Variants in ITIH5 observed in about 807,000 individuals in gnomAD.
ITIH5 encodes the protein inter-alpha-trypsin inhibitor heavy chain H5.
A neutral mutation model predicts 77.5 loss-of-function variants in ITIH5; 65 were observed. The observed-to-expected ratio is 0.84, with a 90% confidence interval of 0.69 to 1.03. The LOEUF (loss-of-function observed/expected upper bound fraction) is 1.03, where lower values mean the gene tolerates loss of function less well. Ranked by LOEUF, ITIH5 falls within the 50% of genes least tolerant of loss-of-function variation. ITIH5 has a pLI of 0.00. For synonymous variants in ITIH5, 525 were observed against 494.3 expected (o/e 1.06, Z -0.82); for missense variants, 1,208 against 1,213.1 (o/e 1.00, Z 0.06).
intron 7 of ITIH5, among the ~76,000 whole-genome samples, chr10:7,604,805 T>G (rs1252806074): frequency 7.0e-6 from 1 of 143,454 alleles, no homozygotes; most frequent in African/African-American, 2.6e-5. Flanking sequence ...TCTATGTTAG[T>G]TTTGAATAAT....
At position 7,634,699 on chromosome 10, in the gene ITIH5, C is replaced by A. The variant is rs190310872; in HGVS notation, c.652+2529G>T. 3.7e-4 allele frequency among the ~76,000 whole-genome samples: 57 copies of A among 152,226 alleles called. 1 individual carries two copies. In the East Asian group the frequency reaches 6.2e-3, roughly 16 times the overall value. On this transcript the variant is annotated intron_variant, in intron 5 of 13. Coordinates refer to ENST00000397146, the MANE Select transcript of ITIH5 (RefSeq NM_030569.7). ...ACATCTCTGAAGAGTCATTATGATT[C>A]TGAAAATTAGGCAAAACACATTTCA...
chr10:7,559,375 T>A lies in ITIH5; in HGVS notation c.*3708A>T, dbSNP rs989540195. 4 of 142,722 alleles carry A rather than the reference T, an allele frequency of 2.8e-5. No homozygotes were observed. The highest frequency in any genetic ancestry group is 1.2e-4 in the African/African-American group (4 of 33,492). 8.8% of individuals were successfully genotyped at this position (142,722 alleles called of 1,614,324 possible). On this transcript the variant is annotated 3_prime_UTR_variant, in exon 14 of 14. Transcript: ENST00000397146. ...TTTGTTTTTATGCATCGTTCTCTTA[T>A]AAATTTTTTGTCTAAGTAAAATGTC...
At chr10:7,608,783 C>A (rs566114644) in intron 7 of ITIH5, among the ~76,000 whole-genome samples, 1 of 152,334 alleles carries the variant, frequency 6.6e-6, no homozygotes, top group Admixed American at 6.5e-5. Context: ...AAGTTTGCCT[C>A]CCCATACACG....
At position 7,560,428 on chromosome 10, in the gene ITIH5, C is replaced by T. The variant is rs1356796743; in HGVS notation, c.*2655G>A. 6.6e-6 allele frequency: 1 copy of T among 152,254 alleles called. No homozygotes were observed. Among genetic ancestry groups the T allele is most frequent in the Admixed American group, 6.5e-5 (1 of 15,290 alleles). The allele number at this position is 152,254 out of a possible 1,614,324, so 9.4% of individuals were successfully genotyped here. On this transcript the variant is annotated 3_prime_UTR_variant, in exon 14 of 14. Transcript: ENST00000397146. ...CTAGAGAAACACAGAGGTGCCCACT[C>T]CGATTCCCAGTCCCCGGCCTCCTCA...
intron 10 of ITIH5, among the ~76,000 whole-genome samples, chr10:7,574,670 G>A (rs762092648): frequency 1.1e-4 from 16 of 151,670 alleles, no homozygotes; most frequent in South Asian, 2.1e-4. Flanking sequence ...GTGGGCACCC[G>A]TAGTCCCAGC....
Position 7,559,843 on chromosome 10 carries a change from CT to C in ITIH5, c.*3239del, listed in dbSNP as rs1234306890. 2.5e-5 allele frequency: 11 copies of C among 448,518 alleles called. No individual in the cohort carries two copies. The highest frequency in any genetic ancestry group is 2.1e-4 in the East Asian group (3 of 14,186). 27.8% of individuals were successfully genotyped at this position (448,518 alleles called of 1,614,324 possible). A position where few individuals can be genotyped will look rare whatever the true frequency, so the allele number is the denominator to read the frequency against. On this transcript the variant is annotated 3_prime_UTR_variant, in exon 14 of 14. Coordinates refer to ENST00000397146, the MANE Select transcript of ITIH5 (RefSeq NM_030569.7). Reference sequence around the variant, plus strand: ...AGGAAAAACACCATCTCTCCCATGTCTTTTTTTTGTTTTGTTTTGTTTTTTT... The same window carrying C: ...AGGAAAAACACCATCTCTCCCATGTCTTTTTTTGTTTTGTTTTGTTTTTTT...
chr10:7,658,257 A>T (rs915953582), intron 1 of ITIH5, among the ~76,000 whole-genome samples: 5 of 152,238 alleles, frequency 3.3e-5, no homozygotes, highest in African/African-American at 1.2e-4. Context: ...TTGAAGACTA[A>T]AAGTATAAGA....
rs1448637939 is a variant in ITIH5 at position 7,628,787 on chromosome 10, TATC to T, written c.652+8438_652+8440del. ...TCCATGTTGTAGCGTGTGTCCATGT[TATC>T]ATATGTATCTGTGTTTTTGCATGTG... On this transcript the variant is annotated intron_variant, in intron 5 of 13. Coordinates refer to ENST00000397146, the MANE Select transcript of ITIH5 (RefSeq NM_030569.7). Among the ~76,000 whole-genome samples the T allele has an allele frequency of 9.2e-5, 13 of 141,088 alleles. 2 individuals are homozygous for T. Among genetic ancestry groups the T allele is most frequent in the East Asian group, 6.1e-4 (3 of 4,954 alleles). 92.6% of individuals were successfully genotyped at this position (141,088 alleles called of 152,430 possible). A position where few individuals can be genotyped will look rare whatever the true frequency, so the allele number is the denominator to read the frequency against.
chr10:7,646,077 A>G (rs1834005195), intron 2 of ITIH5, among the ~76,000 whole-genome samples: 1 of 152,226 alleles, frequency 6.6e-6, no homozygotes. Flanking sequence ...TTTATCTCCA[A>G]ATCTAAACTG....
intron 2 of ITIH5, among the ~76,000 whole-genome samples, chr10:7,655,356 A>G (rs1469116076): frequency 6.6e-6 from 1 of 152,178 alleles, no homozygotes; most frequent in Non-Finnish European, 1.5e-5. Flanking sequence ...AAAAATAAAT[A>G]AAAGTTATAT....
intron 4 of ITIH5, among the ~76,000 whole-genome samples, chr10:7,640,475 CAA>C (rs201317420): frequency 4.0e-4 from 31 of 77,898 alleles, no homozygotes; most frequent in African/African-American, 4.6e-4. Context: ...GACCTCATTC[CAA>C]AAAAAAAAAA....
intron 5 of ITIH5, chr10:7,619,435 A>T (rs1537635): frequency 0.15 from 23,524 of 158,192 alleles, 1,908 homozygotes; most frequent in East Asian, 0.26. Context: ...AGATCAAGTG[A>T]TGTCACGTAC....
At chr10:7,595,995 G>A (rs551878562) in intron 7 of ITIH5, among the ~76,000 whole-genome samples, 10 of 152,310 alleles carry the variant, frequency 6.6e-5, no homozygotes, top group East Asian at 1.9e-4. Flanking sequence ...GCAACAGAGC[G>A]AGACTCCGTC....
intron 1 of ITIH5, among the ~76,000 whole-genome samples, chr10:7,656,993 T>C (rs11255268): frequency 0.47 from 69,456 of 147,556 alleles, 16,586 homozygotes; most frequent in African/African-American, 0.53. Flanking sequence ...TCACCTGCCT[T>C]GGCCTCCCAA....
At chr10:7,628,524 A>C (rs922020102) in intron 5 of ITIH5, among the ~76,000 whole-genome samples, 9 of 104,226 alleles carry the variant, frequency 8.6e-5, no homozygotes, top group African/African-American at 2.5e-4. Context: ...ATGTATGTGC[A>C]TTGTGGCATG....
At chr10:7,665,403 C>T (rs991811459) in intron 1 of ITIH5, among the ~76,000 whole-genome samples, 1 of 152,232 alleles carries the variant, frequency 6.6e-6, no homozygotes, top group Non-Finnish European at 1.5e-5. Flanking sequence ...GCATTAAGTG[C>T]TGACAGTGTT....
At chr10:7,579,723 G>A (rs1398907083) in intron 9 of ITIH5, 32 bp downstream of exon 9, 3 of 1,600,464 alleles carry the variant, frequency 1.9e-6, no homozygotes, top group South Asian at 2.2e-5. Flanking sequence ...CCCTCAAACA[G>A]CCTCTCATGC....
chr10:7,581,945 G>A (rs55698530), intron 8 of ITIH5, among the ~76,000 whole-genome samples: 9 of 144,842 alleles, frequency 6.2e-5, no homozygotes, highest in Admixed American at 2.1e-4. Flanking sequence ...GCGTGATCTT[G>A]GCTCACTGCA....
At chr10:7,624,602 G>A (rs1198778300) in intron 5 of ITIH5, among the ~76,000 whole-genome samples, 2 of 151,314 alleles carry the variant, frequency 1.3e-5, no homozygotes, top group East Asian at 3.9e-4. Flanking sequence ...CAGATCACCT[G>A]GGGCCAGGAG....
Sources: allele counts gnomAD v4.1 joint callset (sites outside exome capture counted in the v4.1 genomes callset), GRCh38; gene constraint gnomAD v4.1.1; transcripts MANE v1.5; gene names NCBI Gene and HGNC (gene_info 2026-07-23, HGNC 2026-07-21).